LUC7L3: variants seen among roughly 807,000 people sequenced by gnomAD.
The protein encoded by LUC7L3 is LUC7 like 3 pre-mRNA splicing factor.
LUC7L3 carries 6 observed loss-of-function variants against 66.8 expected under a neutral mutation model. That is an observed-to-expected ratio of 0.09 (90% confidence interval 0.05 to 0.18). The LOEUF (loss-of-function observed/expected upper bound fraction) is 0.18, where lower values mean the gene tolerates loss of function less well. Ranked by LOEUF, LUC7L3 falls within the 10% of genes least tolerant of loss-of-function variation. The pLI is 1.00. For missense variants in LUC7L3, 341 were observed against 531.1 expected (o/e 0.64, Z 3.52); for synonymous variants, 160 against 174.7 (o/e 0.92, Z 0.66).
In LUC7L3 at chr17:50,728,116, C is replaced by CA. The variant is rs34210400; in HGVS notation, c.99+8303dup. The stretch of plus-strand genomic sequence containing the variant: ...ATGGGCGACAGAGCGAGATCTGTCT[C>CA]AAAAAAAAAAAAAAAAAAGTTTTTA... On this transcript the variant is annotated intron_variant, in intron 1 of 9. Coordinates refer to ENST00000505658, the MANE Select transcript of LUC7L3 (RefSeq NM_016424.5). Among the ~76,000 whole-genome samples, 131 of 128,558 alleles carry CA rather than the reference C, an allele frequency of 1.0e-3. 1 individual carries two copies. Among genetic ancestry groups the CA allele is most frequent in the African/African-American group, 2.7e-3 (93 of 35,030 alleles). The allele number at this position is 128,558 out of a possible 152,430, so 84.3% of individuals were successfully genotyped here.
At chr17:50,733,276 CTCTATCACCCGGTGGTGCGA>C (rs1969746454) in intron 1 of LUC7L3, among the ~76,000 whole-genome samples, 1 of 150,522 alleles carries the variant, frequency 6.6e-6, no homozygotes, top group Admixed American at 6.6e-5. Context: ...CAGAGTCTCG[CTCTATCACCCGGTGGTGCGA>C]TCTCTGCTCA....
intron 1 of LUC7L3, among the ~76,000 whole-genome samples, chr17:50,727,400 G>A (rs183296533): frequency 6.6e-6 from 1 of 152,162 alleles, no homozygotes. Flanking sequence ...AGATCACATG[G>A]CTAGAGTGCC....
chr17:50,719,743 C>T lies in LUC7L3; in HGVS notation c.11C>T (p.Ala4Val). ...CCCGAAGGAAGCACCATGATTTCGGCCGCGCAGTTGTTGGATGAGTTAATG... is the reference window on the plus strand; with the variant it reads ...CCCGAAGGAAGCACCATGATTTCGGTCGCGCAGTTGTTGGATGAGTTAATG... MIS[A>V]AQLLDELMGR... Residue 4 changes from alanine (A) to valine (V), a missense_variant, in exon 1 of 10, where the codon GCC becomes GTC. Coordinates refer to ENST00000505658, the MANE Select transcript of LUC7L3 (RefSeq NM_016424.5). 1.2e-6 allele frequency: 2 copies of T among 1,611,798 alleles called. No homozygotes were observed. Among genetic ancestry groups the T allele is most frequent in the Non-Finnish European group, 1.7e-6 (2 of 1,179,046 alleles).
chr17:50,755,651 A>G lies in LUC7L3; in HGVS notation c.*4990A>G, dbSNP rs774259979. 7 of 152,228 alleles carry G rather than the reference A, an allele frequency of 4.6e-5. No homozygotes were observed. The highest frequency in any genetic ancestry group is 8.8e-5 in the Non-Finnish European group (6 of 68,048). The allele number at this position is 152,228 out of a possible 1,614,324, so 9.4% of individuals were successfully genotyped here. A position where few individuals can be genotyped will look rare whatever the true frequency, so the allele number is the denominator to read the frequency against. The stretch of plus-strand genomic sequence containing the variant: ...TGTTTAGAAACAACAACTTTGGGAA[A>G]CGGGAAACAATTTGGTATAAGTGGG... On this transcript the variant is annotated 3_prime_UTR_variant, in exon 10 of 10. Transcript: ENST00000505658.
At chr17:50,722,229 G>T (rs1317080623) in intron 1 of LUC7L3, 2 of 111,130 alleles carry the variant, frequency 1.8e-5, no homozygotes, top group East Asian at 2.7e-4. Context: ...ACGGCGTCTT[G>T]CTCTGTCTCC....
chr17:50,746,088 G>C (rs1970648954), intron 8 of LUC7L3, 85 bp downstream of exon 8: 11 of 1,446,444 alleles, frequency 7.6e-6, no homozygotes, highest in Non-Finnish European at 8.2e-6. Context: ...CCTTGGAATG[G>C]TACTTGGGAA....
intron 1 of LUC7L3, among the ~76,000 whole-genome samples, 195 bp downstream of exon 1, chr17:50,720,026 T>G (rs1968631777): frequency 6.6e-6 from 1 of 152,216 alleles, no homozygotes; most frequent in African/African-American, 2.4e-5. Context: ...TTTGTTGTTC[T>G]AGTATCAAGG....
intron 1 of LUC7L3, among the ~76,000 whole-genome samples, chr17:50,726,070 G>C (rs1469190590): frequency 2.6e-5 from 4 of 152,154 alleles, no homozygotes; most frequent in Non-Finnish European, 4.4e-5. Context: ...ATGAGCAGTT[G>C]GTGTCTAAAG....
chr17:50,719,657 G>A lies in LUC7L3; in HGVS notation c.-76G>A. On this transcript the variant is annotated 5_prime_UTR_variant, in exon 1 of 10. Transcript: ENST00000505658. ...TTTCGGCCTGAGAGCGGGCCGAGGA[G>A]ATTGGCGACGGTGTCGCCCGTGTTT... 1 of 1,266,016 alleles carries A rather than the reference G, an allele frequency of 7.9e-7. No homozygotes were observed. Among genetic ancestry groups the A allele is most frequent in the Non-Finnish European group, 1.1e-6 (1 of 884,790 alleles). The allele number at this position is 1,266,016 out of a possible 1,614,324, so 78.4% of individuals were successfully genotyped here.
In LUC7L3 at chr17:50,751,646, C is replaced by G. The variant is rs1013785027; in HGVS notation, c.*985C>G. 7 of 1,114,672 alleles carry G rather than the reference C, an allele frequency of 6.3e-6. No individual in the cohort carries two copies. Among genetic ancestry groups the G allele is most frequent in the Non-Finnish European group, 7.8e-6 (7 of 903,060 alleles). The allele number at this position is 1,114,672 out of a possible 1,614,324, so 69.0% of individuals were successfully genotyped here. On this transcript the variant is annotated 3_prime_UTR_variant, in exon 10 of 10. Coordinates refer to ENST00000505658, the MANE Select transcript of LUC7L3 (RefSeq NM_016424.5). ...GCCTTGTTACACTCAATGCAATTCTCAAGTCTATAAGAGGTATGTGCTTAA... is the reference window on the plus strand; with the variant it reads ...GCCTTGTTACACTCAATGCAATTCTGAAGTCTATAAGAGGTATGTGCTTAA...
intron 4 of LUC7L3, 159 bp downstream of exon 4, chr17:50,741,405 A>ACTTT: frequency 1.3e-6 from 1 of 768,902 alleles, no homozygotes; most frequent in Non-Finnish European, 2.0e-6. Flanking sequence ...CTTTATTAGC[A>ACTTT]AACATAACAC....
At chr17:50,724,005 T>A (rs1332182498) in intron 1 of LUC7L3, 5 of 454,140 alleles carry the variant, frequency 1.1e-5, no homozygotes, top group Non-Finnish European at 4.4e-6. Context: ...AGTCCATGTG[T>A]TATATGTGTA....
chr17:50,740,647 C>T (rs539461327), intron 3 of LUC7L3, among the ~76,000 whole-genome samples: 19 of 152,242 alleles, frequency 1.2e-4, no homozygotes, highest in African/African-American at 4.6e-4. Flanking sequence ...CAACCTCCGC[C>T]TCCCAGGTTC....
At chr17:50,734,791 T>C (rs953776656) in intron 1 of LUC7L3, among the ~76,000 whole-genome samples, 8 of 152,224 alleles carry the variant, frequency 5.3e-5, no homozygotes, top group African/African-American at 1.7e-4. Flanking sequence ...ACAATAGTTT[T>C]AAATTGGTCA....
At chr17:50,749,362 G>C (rs1970866645) in intron 9 of LUC7L3, 3 of 1,283,590 alleles carry the variant, frequency 2.3e-6, no homozygotes, top group South Asian at 2.5e-5. Context: ...AGAGCCCACT[G>C]TCCTGGCACA....
intron 8 of LUC7L3, 109 bp from the exon 9 acceptor site, chr17:50,746,433 G>A: frequency 3.2e-6 from 3 of 941,750 alleles, no homozygotes; most frequent in Non-Finnish European, 4.8e-6. Flanking sequence ...ATGTAAATAT[G>A]TTTTAGAGGG....
chr17:50,750,516 A>T lies in LUC7L3; in HGVS notation c.1154A>T (p.Asp385Val). The T allele has an allele frequency of 1.2e-6, 2 of 1,613,660 alleles. No homozygotes were observed. The highest frequency in any genetic ancestry group is 1.7e-6 in the Non-Finnish European group (2 of 1,179,768). Residue 385 changes from aspartate (D) to valine (V), a missense_variant, in exon 10 of 10, where the codon GAT becomes GTT. Physicochemically the swap from Asp to Val is radical, Grantham distance 152 (BLOSUM62 -3). This residue lies in a region of LUC7L3 where 210 missense variants were observed against 238.1 expected (regional missense o/e 0.88). Transcript: ENST00000505658. ...KSKEKEKRGS[D>V]DKKSSVKSGS... is the part of the protein sequence containing the mutation. ...TTTATGGCAGAAAAGAGGGGATCTG[A>T]TGATAAAAAAAGTAGTGTGAAGTCC...
chr17:50,756,147 T>A lies in LUC7L3; in HGVS notation c.*5486T>A, dbSNP rs922739791. On this transcript the variant is annotated 3_prime_UTR_variant, in exon 10 of 10. Coordinates refer to ENST00000505658, the MANE Select transcript of LUC7L3 (RefSeq NM_016424.5). ...TGAAGCCTGTGGGCATTTCCTTTTT[T>A]AATCTGTATGTTTATGTGCTTTTGT... 2.0e-5 allele frequency: 3 copies of A among 152,232 alleles called. No individual in the cohort carries two copies. Among genetic ancestry groups the A allele is most frequent in the Non-Finnish European group, 4.4e-5 (3 of 68,046 alleles). The allele number at this position is 152,232 out of a possible 1,614,324, so 9.4% of individuals were successfully genotyped here.
chr17:50,749,134 G>C (rs1181078136), intron 9 of LUC7L3: 6 of 1,058,962 alleles, frequency 5.7e-6, no homozygotes, highest in South Asian at 2.7e-5. Flanking sequence ...TGTCAAGAGA[G>C]TTTCCTTTTT....
Sources: gnomAD v4.1 joint callset for allele counts (sites outside exome capture counted in the v4.1 genomes callset) on GRCh38, gnomAD v4.1.1 for gene constraint, gnomAD v4.1.1 regional missense constraint, MANE v1.5 for transcripts, NCBI Gene and HGNC (gene_info 2026-07-23, HGNC 2026-07-21) for gene names.